Variants in SEMA6D observed in about 807,000 individuals in gnomAD.
SEMA6D encodes the protein semaphorin 6D, also known as semaphorin-6D.
SEMA6D carries 35 observed loss-of-function variants against 106.6 expected under a neutral mutation model. The observed-to-expected ratio is 0.33, with a 90% CI of 0.25 to 0.44. SEMA6D has a LOEUF of 0.44. SEMA6D is among the 20% of genes least tolerant of loss of function. The pLI, the probability that SEMA6D is intolerant of heterozygous loss-of-function variation, is 1.00. For missense variants in SEMA6D, 1,185 were observed against 1,345.9 expected (o/e 0.88, Z 1.87); for synonymous variants, 499 against 487.7 (o/e 1.02, Z -0.31).
In SEMA6D at chr15:47,336,976, G is replaced by A. The variant is rs141712645; in HGVS notation, c.-238-75417G>A. On this transcript the variant is annotated intron_variant, in intron 1 of 19. Transcript: ENST00000558014. ...AGTAATGGAAGAGTTTAACAGTGGT[G>A]GAAGTCCCTGTGTTTGGGTTTTTAC... is the stretch of plus-strand genomic sequence containing the variant. Among the ~76,000 whole-genome samples, 13 of 152,222 alleles carry A rather than the reference G, an allele frequency of 8.5e-5. No homozygotes were observed. In the East Asian group the frequency reaches 2.3e-3, roughly 27 times the overall value.
At chr15:47,760,807 A>G (rs533228516) in intron 3 of SEMA6D, among the ~76,000 whole-genome samples, 171 bp from the exon 4 acceptor site, 30 of 152,334 alleles carry the variant, frequency 2.0e-4, no homozygotes, top group African/African-American at 7.0e-4. Context: ...ACAGTGATAT[A>G]TAAAAGCATC....
intron 4 of SEMA6D, among the ~76,000 whole-genome samples, chr15:47,675,736 C>A (rs1353345275): frequency 2.0e-5 from 3 of 152,184 alleles, no homozygotes; most frequent in African/African-American, 7.2e-5. Context: ...AGCTCAACTT[C>A]CTTCTGTCTT....
At chr15:47,745,570 G>GTTCCT (rs2081082725) in intron 1 of SEMA6D, among the ~76,000 whole-genome samples, 1 of 152,232 alleles carries the variant, frequency 6.6e-6, no homozygotes, top group Admixed American at 6.5e-5. Flanking sequence ...GAGATTTTAA[G>GTTCCT]AACTTGCATG....
intron 1 of SEMA6D, among the ~76,000 whole-genome samples, chr15:47,735,280 A>G (rs1322206878): frequency 6.6e-6 from 1 of 152,184 alleles, no homozygotes; most frequent in East Asian, 1.9e-4. Context: ...ACTTTTAGAG[A>G]AGGCACTACG....
intron 1 of SEMA6D, among the ~76,000 whole-genome samples, chr15:47,351,837 T>C (rs2038338220): frequency 6.6e-6 from 1 of 152,230 alleles, no homozygotes; most frequent in African/African-American, 2.4e-5. Context: ...ATATATTCTT[T>C]TATAGCTCTG....
intron 3 of SEMA6D, among the ~76,000 whole-genome samples, chr15:47,508,886 G>A (rs537101218): frequency 1.3e-5 from 2 of 152,078 alleles, no homozygotes; most frequent in Non-Finnish European, 2.9e-5. Flanking sequence ...TTCCTGTTGT[G>A]AGAATTAAAT....
intron 1 of SEMA6D, among the ~76,000 whole-genome samples, chr15:47,364,437 A>C (rs1037653710): frequency 6.6e-6 from 1 of 152,200 alleles, no homozygotes; most frequent in Non-Finnish European, 1.5e-5. Context: ...GGGAATTTTT[A>C]GTTCAAATAG....
At chr15:47,222,680 T>A (rs2031310994) in intron 1 of SEMA6D, among the ~76,000 whole-genome samples, 1 of 152,170 alleles carries the variant, frequency 6.6e-6, no homozygotes, top group Non-Finnish European at 1.5e-5. Flanking sequence ...TTTAGTCCTG[T>A]CAGGGTAGTC....
intron 11 of SEMA6D, 22 bp downstream of exon 11, chr15:47,764,327 G>A (rs367950857): frequency 6.2e-7 from 1 of 1,606,950 alleles, no homozygotes; most frequent in Non-Finnish European, 8.5e-7. Flanking sequence ...AGTAGAAAAG[G>A]GTTTTGTCTT....
chr15:47,491,358 A>G (rs891591998), intron 3 of SEMA6D, among the ~76,000 whole-genome samples: 1 of 152,222 alleles, frequency 6.6e-6, no homozygotes, highest in African/African-American at 2.4e-5. Flanking sequence ...GACAATGCAG[A>G]TGACTCTTAG....
At chr15:47,203,682 C>T (rs1317299608) in intron 1 of SEMA6D, among the ~76,000 whole-genome samples, 1 of 152,098 alleles carries the variant, frequency 6.6e-6, no homozygotes, top group African/African-American at 2.4e-5. Flanking sequence ...CTCTAGGTAA[C>T]CTGTTTTTGT....
chr15:47,538,520 A>C (rs2045249322), intron 3 of SEMA6D, among the ~76,000 whole-genome samples: 1 of 152,208 alleles, frequency 6.6e-6, no homozygotes, highest in Non-Finnish European at 1.5e-5. Flanking sequence ...ACTTCAGAGA[A>C]GCCAGCATCT....
intron 4 of SEMA6D, among the ~76,000 whole-genome samples, chr15:47,642,967 G>C (rs2077516483): frequency 6.6e-6 from 1 of 151,314 alleles, no homozygotes. Context: ...AGATGGAGAT[G>C]GAGATAGATA....
At chr15:47,214,435 C>T (rs2030363561) in intron 1 of SEMA6D, among the ~76,000 whole-genome samples, 1 of 152,134 alleles carries the variant, frequency 6.6e-6, no homozygotes, top group Non-Finnish European at 1.5e-5. Flanking sequence ...AAAGACATCT[C>T]TGAAGGTCAG....
intron 4 of SEMA6D, among the ~76,000 whole-genome samples, chr15:47,612,918 C>A (rs1011367237): frequency 7.2e-5 from 11 of 152,104 alleles, no homozygotes; most frequent in African/African-American, 2.7e-4. Flanking sequence ...TAACAAATGC[C>A]TTAACAATGC....
chr15:47,692,916 T>G lies in SEMA6D; in HGVS notation c.-54-66829T>G, dbSNP rs1413111081. ...CTATTAATATGATTAGGAAAGGCTC[T>G]GGTTTTAATGGGAAATCTTACAAAA... On this transcript the variant is annotated intron_variant, in intron 4 of 19. Transcript: ENST00000558014. 2.2e-5 allele frequency among the ~76,000 whole-genome samples: 3 copies of G among 138,562 alleles called. No individual in the cohort carries two copies. The Admixed American group carries it at 2.2e-4, about 10-fold the overall frequency. 90.9% of individuals were successfully genotyped at this position (138,562 alleles called of 152,430 possible). A position where few individuals can be genotyped will look rare whatever the true frequency, so the allele number is the denominator to read the frequency against.
rs879830521 is a variant in SEMA6D, at chr15:47,254,909, G to GTGTGTT, written c.-239+70496_-239+70497insTTGTGT. Among the ~76,000 whole-genome samples, 184 of 151,598 alleles carry GTGTGTT rather than the reference G, an allele frequency of 1.2e-3. 2 individuals are homozygous for GTGTGTT. The highest frequency in any genetic ancestry group is 6.0e-3 in the Admixed American group (92 of 15,228). On this transcript the variant is annotated intron_variant, in intron 1 of 19. Transcript: ENST00000558014. ...TGTGTGTGTGTGTGTGTGTGTGTGTGTGTGTGTCCTTGTCTAGTTTTGGTA... is the reference window on the plus strand; with the variant it reads ...TGTGTGTGTGTGTGTGTGTGTGTGTGTGTGTTTGTGTGTCCTTGTCTAGTTTTGGTA...
chr15:47,310,508 A>G (rs1229027715), intron 1 of SEMA6D, among the ~76,000 whole-genome samples: 2 of 152,098 alleles, frequency 1.3e-5, no homozygotes, highest in African/African-American at 4.8e-5. Flanking sequence ...GCTACTTTGG[A>G]GGAGTTTATA....
intron 18 of SEMA6D, among the ~76,000 whole-genome samples, chr15:47,769,326 A>G (rs184459607): frequency 6.6e-6 from 1 of 152,276 alleles, no homozygotes; most frequent in East Asian, 1.9e-4. Context: ...GGAAAAAAAA[A>G]TCTATTCTTT....
Sources: gnomAD v4.1 joint callset for allele counts (sites outside exome capture counted in the v4.1 genomes callset) on GRCh38, gnomAD v4.1.1 for gene constraint, MANE v1.5 for transcripts, NCBI Gene and HGNC (gene_info 2026-07-23, HGNC 2026-07-21) for gene names.